The following ZBBX variants were observed in gnomAD, a reference collection of about 807,000 sequenced individuals.
ZBBX encodes the protein zinc finger B-box domain containing, also known as zinc finger B-box domain-containing protein 1.
In ZBBX, 101 loss-of-function variants were observed where a neutral mutation model predicts 108.5. The observed-to-expected ratio is 0.93, with a 90% confidence interval of 0.79 to 1.10. The LOEUF is 1.10. Among genes scored for constraint, ZBBX ranks in the 50% least tolerant of loss-of-function variants. The pLI, the probability that ZBBX is intolerant of heterozygous loss-of-function variation, is 0.00. For synonymous variants in ZBBX, 356 were observed against 323.4 expected (o/e 1.10, Z -1.08); for missense variants, 1,009 against 941.4 (o/e 1.07, Z -0.94).
At chr3:167,262,765 T>C (rs1056103105) in intron 20 of ZBBX, among the ~76,000 whole-genome samples, 3 of 152,212 alleles carry the variant, frequency 2.0e-5, no homozygotes, top group Non-Finnish European at 1.5e-5. Flanking sequence ...ATTGCCATAG[T>C]AGCCACTAAT....
the ZBBX span, among the ~76,000 whole-genome samples, chr3:167,222,065 A>C: frequency 6.6e-6 from 1 of 151,956 alleles, no homozygotes; most frequent in African/African-American, 2.4e-5. Context: ...ATATACCTAA[A>C]AGAAAGGAAA....
At chr3:167,183,291 A>G in the ZBBX span, among the ~76,000 whole-genome samples, 1 of 152,176 alleles carries the variant, frequency 6.6e-6, no homozygotes, top group Admixed American at 6.5e-5. Flanking sequence ...GATGTTTCCA[A>G]GCTCCCCTTC....
At chr3:167,350,564 AT>A in intron 8 of ZBBX, 49 bp from the exon 9 acceptor site, 1 of 1,334,038 alleles carries the variant, frequency 7.5e-7, no homozygotes. Flanking sequence ...AAATAGTATG[AT>A]TTTTAGAAAG....
chr3:167,388,746 A>G (rs1295744731), intron 1 of ZBBX, among the ~76,000 whole-genome samples: 1 of 151,918 alleles, frequency 6.6e-6, no homozygotes, highest in Admixed American at 6.6e-5. Context: ...CTTTGTATTT[A>G]CTGGTCTAAG....
At chr3:167,278,150 A>G (rs1179799270) in intron 20 of ZBBX, among the ~76,000 whole-genome samples, 1 of 120,584 alleles carries the variant, frequency 8.3e-6, no homozygotes, top group Non-Finnish European at 1.7e-5. Context: ...GAAAGCAGGA[A>G]AGATCCAAAA....
chr3:167,280,437 G>A (rs1728583961), intron 20 of ZBBX, among the ~76,000 whole-genome samples: 1 of 150,528 alleles, frequency 6.6e-6, no homozygotes, highest in African/African-American at 2.4e-5. Flanking sequence ...TCAAAAAGTG[G>A]GTGAAGGACA....
chr3:167,261,773 T>G (rs1724574868), intron 20 of ZBBX, among the ~76,000 whole-genome samples: 4 of 47,576 alleles, frequency 8.4e-5, no homozygotes, highest in South Asian at 9.9e-4. Context: ...GCCTCCCAAC[T>G]GCAAAAAAAA....
chr3:167,366,544 A>T (rs115394078), intron 5 of ZBBX, among the ~76,000 whole-genome samples: 5,527 of 151,944 alleles, frequency 0.036, 348 homozygotes, highest in African/African-American at 0.13. Context: ...GAGTCCAATT[A>T]TCATTAAAAA....
the ZBBX span, among the ~76,000 whole-genome samples, chr3:167,193,673 T>C: frequency 6.6e-6 from 1 of 152,138 alleles, no homozygotes; most frequent in South Asian, 2.1e-4. Context: ...TCCAAAGTTG[T>C]CTCATGTTTA....
chr3:167,278,672 C>G (rs1364765391), intron 20 of ZBBX, among the ~76,000 whole-genome samples: 1 of 151,438 alleles, frequency 6.6e-6, no homozygotes, highest in Non-Finnish European at 1.5e-5. Context: ...ACCAGAGGTA[C>G]AAGGAGGAAC....
At chr3:167,189,780 G>T in the ZBBX span, among the ~76,000 whole-genome samples, 1 of 152,150 alleles carries the variant, frequency 6.6e-6, no homozygotes, top group African/African-American at 2.4e-5. Context: ...CTGTGAAACT[G>T]CACTGATATA....
chr3:167,227,525 T>C, the ZBBX span, among the ~76,000 whole-genome samples: 2 of 151,684 alleles, frequency 1.3e-5, no homozygotes, highest in Admixed American at 1.3e-4. Context: ...TATCTCAGCA[T>C]CAAGTCCATC....
chr3:167,405,206 C>T (rs1367215424), intron 1 of ZBBX, among the ~76,000 whole-genome samples: 2 of 152,112 alleles, frequency 1.3e-5, no homozygotes, highest in Non-Finnish European at 2.9e-5. Flanking sequence ...GTGAGTATGA[C>T]ATCAGGAAAG....
At chr3:167,344,583 G>A (rs1289931497) in intron 9 of ZBBX, among the ~76,000 whole-genome samples, 1 of 151,692 alleles carries the variant, frequency 6.6e-6, no homozygotes, top group Non-Finnish European at 1.5e-5. Context: ...CTATTCAGAA[G>A]GATGAGGACA....
the ZBBX span, among the ~76,000 whole-genome samples, chr3:167,228,270 G>T: frequency 2.0e-5 from 3 of 151,714 alleles, no homozygotes; most frequent in East Asian, 3.9e-4. Context: ...ATTGATAAAA[G>T]TGCATCATCA....
intron 20 of ZBBX, among the ~76,000 whole-genome samples, chr3:167,266,625 A>G (rs970263002): frequency 6.6e-6 from 1 of 152,206 alleles, no homozygotes; most frequent in African/African-American, 2.4e-5. Context: ...CCACGGGGGA[A>G]GAACACAGAA....
the ZBBX span, among the ~76,000 whole-genome samples, chr3:167,232,876 T>C: frequency 6.6e-6 from 1 of 151,798 alleles, no homozygotes; most frequent in Non-Finnish European, 1.5e-5. Flanking sequence ...AACACCTCCC[T>C]GTTGGGTTGA....
chr3:167,336,134 AAT>A (rs1461211510), intron 9 of ZBBX, among the ~76,000 whole-genome samples: 2 of 152,060 alleles, frequency 1.3e-5, no homozygotes, highest in African/African-American at 2.4e-5. Flanking sequence ...TTATCATTCA[AAT>A]ATATGTTTAT....
intron 20 of ZBBX, among the ~76,000 whole-genome samples, chr3:167,253,109 G>T (rs1315587760): frequency 6.6e-6 from 1 of 152,050 alleles, no homozygotes; most frequent in Non-Finnish European, 1.5e-5. Context: ...TAAATAAATA[G>T]AAAAAGCAGA....
Sources: gnomAD v4.1 joint callset for allele counts (sites outside exome capture counted in the v4.1 genomes callset) on GRCh38, gnomAD v4.1.1 for gene constraint, MANE v1.5 for transcripts, NCBI Gene and HGNC (gene_info 2026-07-23, HGNC 2026-07-21) for gene names.